The following XPA variants were observed in gnomAD, a reference collection of about 807,000 sequenced individuals.
XPA encodes XPA, DNA damage recognition and repair factor.
In XPA, 27 loss-of-function variants were observed where a neutral mutation model predicts 35.7. The observed-to-expected ratio is 0.76, with a 90% CI of 0.56 to 1.04. The LOEUF is 1.04. Ranked by LOEUF, XPA falls within the 50% of genes least tolerant of loss-of-function variation. The pLI is 0.00. For synonymous variants in XPA, 133 were observed against 118.4 expected (o/e 1.12, Z -0.80); for missense variants, 354 against 342.7 (o/e 1.03, Z -0.26).
chr9:97,666,663 G>A, the XPA span: 1 of 700,324 alleles, frequency 1.4e-6, no homozygotes, highest in Non-Finnish European at 2.3e-6. Context: ...AGGACAGAAG[G>A]CTGTATCAGC....
At chr9:97,679,449 T>G (rs1828470680) in intron 5 of XPA, among the ~76,000 whole-genome samples, 1 of 152,176 alleles carries the variant, frequency 6.6e-6, no homozygotes. Context: ...GGGATTCTAC[T>G]GGGCAAATTT....
the XPA span, among the ~76,000 whole-genome samples, chr9:97,657,623 C>T: frequency 3.4e-4 from 52 of 152,166 alleles, 2 homozygotes; most frequent in East Asian, 7.7e-3. Context: ...TTACTCTGTT[C>T]TTCATCAGAT....
chr9:97,655,917 T>C, the XPA span: 34 of 1,378,210 alleles, frequency 2.5e-5, no homozygotes, highest in Non-Finnish European at 3.3e-5. Flanking sequence ...TAACAAAACT[T>C]GTAAGTTGTT....
At chr9:97,687,476 C>A (rs1828757076) in intron 3 of XPA, among the ~76,000 whole-genome samples, 1 of 152,112 alleles carries the variant, frequency 6.6e-6, no homozygotes, top group South Asian at 2.1e-4. Context: ...GAGAAAAAAA[C>A]ATTCCTAGCA....
intron 5 of XPA, among the ~76,000 whole-genome samples, chr9:97,678,069 A>G (rs990353916): frequency 6.6e-6 from 1 of 152,218 alleles, no homozygotes; most frequent in African/African-American, 2.4e-5. Flanking sequence ...ATACAGATAC[A>G]TGTGTTGTGC....
At chr9:97,658,173 A>G in the XPA span, among the ~76,000 whole-genome samples, 3 of 152,036 alleles carry the variant, frequency 2.0e-5, no homozygotes, top group African/African-American at 7.3e-5. Context: ...ACACACATCC[A>G]TCCATCCATA....
chr9:97,697,338 ACTGCACGCCGAGGCGAGCCAGCCGCC>A (rs1249073186), exon 1 of XPA: 4 of 1,594,414 alleles, frequency 2.5e-6, no homozygotes, highest in African/African-American at 2.7e-5. Context: ...ACGCACGCGC[ACTGCACGCCGAGGCGAGCCAGCCGCC>A]CTGCACCGCC....
At chr9:97,691,648 G>A (rs180787664) in intron 2 of XPA, among the ~76,000 whole-genome samples, 39 of 152,218 alleles carry the variant, frequency 2.6e-4, no homozygotes, top group African/African-American at 9.4e-4. Flanking sequence ...ATGAGGTGGA[G>A]GTTGCAGCAA....
Position 97,693,683 on chromosome 9 carries a change from T to G in XPA, c.249A>C (p.Glu83Asp). 1.2e-6 allele frequency: 2 copies of G among 1,613,556 alleles called. No individual in the cohort carries two copies. Among genetic ancestry groups the G allele is most frequent in the Non-Finnish European group, 1.7e-6 (2 of 1,179,922 alleles). ...GGFILEEEEE[E>D]EQKIGKVVHQ... ...GAACAACTTTTCCAATTTTCTGTTCTTCTTCTTCTTCCTCTTCTAAAATGA... is the reference window on the plus strand; with the variant it reads ...GAACAACTTTTCCAATTTTCTGTTCGTCTTCTTCTTCCTCTTCTAAAATGA... The change falls in exon 2 of 6, where the codon GAA (glutamate) becomes GAC (aspartate). Residue 83 changes from glutamate to aspartate, a missense_variant. Transcript: ENST00000375128.
At chr9:97,670,798 G>C (rs1828166939), downstream of XPA, among the ~76,000 whole-genome samples, 1 of 152,184 alleles carries the variant, frequency 6.6e-6, no homozygotes, top group East Asian at 1.9e-4. Flanking sequence ...AATAGTACTA[G>C]GAGCAAGCAG....
intron 1 of XPA, among the ~76,000 whole-genome samples, chr9:97,695,085 A>G (rs1829001924): frequency 1.3e-5 from 2 of 152,202 alleles, no homozygotes; most frequent in Admixed American, 6.5e-5. Context: ...GAGAGTGGAC[A>G]CCGACTAGGA....
At chr9:97,669,547 T>G in the XPA span, 3 of 1,367,978 alleles carry the variant, frequency 2.2e-6, no homozygotes, top group Non-Finnish European at 3.1e-6. Context: ...TTCCAAAGTA[T>G]AAGATTCTGT....
At chr9:97,655,886 G>GT in the XPA span, 1 of 1,323,784 alleles carries the variant, frequency 7.6e-7, no homozygotes, top group Non-Finnish European at 1.1e-6. Context: ...AGTACAAATA[G>GT]TTACAAGTGC....
At chr9:97,686,771 A>G (rs112788359) in intron 4 of XPA, among the ~76,000 whole-genome samples, 1 of 152,216 alleles carries the variant, frequency 6.6e-6, no homozygotes, top group Non-Finnish European at 1.5e-5. Flanking sequence ...TACAAAAAAT[A>G]CAAAAAACTA....
At chr9:97,674,879 A>T (rs1308544966), downstream of XPA, 1 of 470,600 alleles carries the variant, frequency 2.1e-6, no homozygotes, top group South Asian at 1.7e-5. Flanking sequence ...AAGTCCCACA[A>T]TAGAGGCCCC....
chr9:97,674,336 A>G (rs889374603), downstream of XPA, among the ~76,000 whole-genome samples: 1 of 152,234 alleles, frequency 6.6e-6, no homozygotes, highest in African/African-American at 2.4e-5. Flanking sequence ...TCAAACTTGA[A>G]AAATACACAA....
the XPA span, among the ~76,000 whole-genome samples, chr9:97,663,267 A>G: frequency 4.6e-5 from 7 of 152,172 alleles, no homozygotes; most frequent in African/African-American, 1.2e-4. Flanking sequence ...TAATATCTCA[A>G]TATGTTTTAA....
the XPA span, chr9:97,669,902 T>G: frequency 1.6e-6 from 1 of 636,390 alleles, no homozygotes; most frequent in East Asian, 2.9e-5. Context: ...GATTCCTAAT[T>G]GCCACCCCCC....
chr9:97,666,926 C>A, the XPA span: 3 of 1,292,720 alleles, frequency 2.3e-6, no homozygotes, highest in South Asian at 1.4e-5. Context: ...ATACCAGAAA[C>A]TCTGGAGAGG....
Sources: allele counts gnomAD v4.1 joint callset (sites outside exome capture counted in the v4.1 genomes callset), GRCh38; gene constraint gnomAD v4.1.1; transcripts MANE v1.5; gene names NCBI Gene and HGNC (gene_info 2026-07-23, HGNC 2026-07-21).